Variants in TAFA1 observed in about 807,000 individuals in gnomAD.
TAFA1 encodes the protein TAFA chemokine like family member 1.
Under a neutral mutation model 18.5 loss-of-function variants are expected in TAFA1, and 4 were observed. The observed-to-expected ratio is 0.22, with a 90% confidence interval of 0.11 to 0.49. TAFA1 has a LOEUF of 0.49. Among genes scored for constraint, TAFA1 ranks in the 20% least tolerant of loss-of-function variants. The probability of loss-of-function intolerance (pLI) is 0.98; values close to 1 mark genes in which losing one functional copy is unlikely to be tolerated. For missense variants in TAFA1, 147 were observed against 169.0 expected, an observed-to-expected ratio of 0.87 and a Z score of 0.72; for synonymous variants, 56 against 55.2, an observed-to-expected ratio of 1.01 and a Z score of -0.06.
chr3:68,072,714 AT>A (rs918197825), intron 2 of TAFA1, among the ~76,000 whole-genome samples: 6 of 152,140 alleles, frequency 3.9e-5, no homozygotes, highest in African/African-American at 1.4e-4. Flanking sequence ...GTTTTTACAG[AT>A]TTAGTGAGTT....
At chr3:68,245,873 T>C (rs577228342) in intron 2 of TAFA1, among the ~76,000 whole-genome samples, 5 of 152,186 alleles carry the variant, frequency 3.3e-5, no homozygotes, top group African/African-American at 1.2e-4. Context: ...AGAGGAAATA[T>C]GTTGGTCTTT....
At chr3:68,144,156 C>G (rs901361899) in intron 2 of TAFA1, among the ~76,000 whole-genome samples, 1 of 152,160 alleles carries the variant, frequency 6.6e-6, no homozygotes, top group Non-Finnish European at 1.5e-5. Flanking sequence ...TATCGAGCAT[C>G]TGCTAAAGTG....
At chr3:68,512,259 C>G (rs1207422483) in intron 3 of TAFA1, among the ~76,000 whole-genome samples, 1 of 152,036 alleles carries the variant, frequency 6.6e-6, no homozygotes, top group Non-Finnish European at 1.5e-5. Flanking sequence ...ATTTGCTTCC[C>G]ACAATATAGA....
chr3:68,313,608 T>G (rs971860064), intron 2 of TAFA1, among the ~76,000 whole-genome samples: 1 of 152,216 alleles, frequency 6.6e-6, no homozygotes, highest in African/African-American at 2.4e-5. Context: ...GTCAAAATAA[T>G]GAAGATGTAT....
At chr3:68,537,710 G>A (rs563933596) in intron 3 of TAFA1, among the ~76,000 whole-genome samples, 34 of 152,182 alleles carry the variant, frequency 2.2e-4, no homozygotes, top group Admixed American at 5.2e-4. Context: ...CTGAACAGCC[G>A]TCTCACACTA....
chr3:68,196,679 T>C (rs2066414578), intron 2 of TAFA1, among the ~76,000 whole-genome samples: 1 of 151,890 alleles, frequency 6.6e-6, no homozygotes, highest in South Asian at 2.1e-4. Flanking sequence ...AGGCTCAAAC[T>C]GCTGTTGTTA....
intron 2 of TAFA1, among the ~76,000 whole-genome samples, chr3:68,116,912 G>A (rs530960642): frequency 2.6e-4 from 40 of 152,266 alleles, no homozygotes; most frequent in African/African-American, 9.4e-4. Context: ...CATGCAAGTT[G>A]AGTAGTTGGT....
At chr3:68,284,447 A>G (rs1382623756) in intron 2 of TAFA1, among the ~76,000 whole-genome samples, 1 of 152,234 alleles carries the variant, frequency 6.6e-6, no homozygotes, top group Non-Finnish European at 1.5e-5. Context: ...TTGTAATAGA[A>G]TATATATCTT....
chr3:68,441,894 G>T (rs1171438903), intron 3 of TAFA1, among the ~76,000 whole-genome samples: 1 of 152,178 alleles, frequency 6.6e-6, no homozygotes, highest in Non-Finnish European at 1.5e-5. Context: ...GCAGTGAAGG[G>T]ATATCTTCCC....
intron 2 of TAFA1, among the ~76,000 whole-genome samples, chr3:68,238,349 G>A (rs781639447): frequency 6.6e-6 from 1 of 152,112 alleles, no homozygotes; most frequent in Non-Finnish European, 1.5e-5. Flanking sequence ...AATTTTACCA[G>A]TTAATTTTCC....
At chr3:68,048,905 T>A (rs2064430330) in intron 2 of TAFA1, among the ~76,000 whole-genome samples, 1 of 152,348 alleles carries the variant, frequency 6.6e-6, no homozygotes. Flanking sequence ...CTATTGTGAA[T>A]AATGGTGCAA....
At chr3:67,992,800 T>A in the TAFA1 span, among the ~76,000 whole-genome samples, 1 of 152,198 alleles carries the variant, frequency 6.6e-6, no homozygotes, top group African/African-American at 2.4e-5. Context: ...CTTGTGGGTA[T>A]GATTGTATTC....
intron 2 of TAFA1, among the ~76,000 whole-genome samples, chr3:68,210,648 C>T (rs1001316772): frequency 6.6e-6 from 1 of 152,010 alleles, no homozygotes; most frequent in Non-Finnish European, 1.5e-5. Flanking sequence ...CCATTCTTCC[C>T]AAGCTCTATT....
chr3:68,322,409 G>A (rs976496121), intron 2 of TAFA1, among the ~76,000 whole-genome samples: 26 of 152,174 alleles, frequency 1.7e-4, no homozygotes, highest in African/African-American at 5.8e-4. Context: ...CAAGGAAGCC[G>A]GAGAGTCAAG....
intron 3 of TAFA1, among the ~76,000 whole-genome samples, chr3:68,491,433 G>A (rs896979964): frequency 1.3e-5 from 2 of 150,310 alleles, no homozygotes; most frequent in East Asian, 2.0e-4. Context: ...GTAAACTATC[G>A]CCAAGAACAA....
chr3:68,102,908 A>G (rs2065164550), intron 2 of TAFA1, among the ~76,000 whole-genome samples: 2 of 152,194 alleles, frequency 1.3e-5, no homozygotes, highest in African/African-American at 4.8e-5. Context: ...ATCCAGAACC[A>G]GTGTCCTCCT....
chr3:68,298,801 A>T (rs2068255873), intron 2 of TAFA1, among the ~76,000 whole-genome samples: 1 of 152,192 alleles, frequency 6.6e-6, no homozygotes, highest in Non-Finnish European at 1.5e-5. Context: ...GCCATGCTGA[A>T]CTGTGAATCA....
At chr3:68,519,533 G>A (rs9790215) in intron 3 of TAFA1, among the ~76,000 whole-genome samples, 65,788 of 151,938 alleles carry the variant, frequency 0.43, 15,655 homozygotes, top group South Asian at 0.68. Context: ...ATATGTATGT[G>A]CTATAGGCTA....
At chr3:68,525,004 T>C (rs1245110779) in intron 3 of TAFA1, among the ~76,000 whole-genome samples, 1 of 152,164 alleles carries the variant, frequency 6.6e-6, no homozygotes, top group Non-Finnish European at 1.5e-5. Context: ...TTTGGGTATG[T>C]GTTCCACTCG....
Sources: gnomAD v4.1 joint callset for allele counts (sites outside exome capture counted in the v4.1 genomes callset) on GRCh38, gnomAD v4.1.1 for gene constraint, MANE v1.5 for transcripts, NCBI Gene and HGNC (gene_info 2026-07-23, HGNC 2026-07-21) for gene names.